The following PLCB1 variants were observed in gnomAD, a reference collection of about 807,000 sequenced individuals.
The protein encoded by PLCB1 is phospholipase C beta 1, also known as 1-phosphatidylinositol 4,5-bisphosphate phosphodiesterase beta-1.
PLCB1 carries 46 observed loss-of-function variants against 161.8 expected under a neutral mutation model. That is an observed-to-expected ratio of 0.28 (90% confidence interval 0.22 to 0.36). The LOEUF (loss-of-function observed/expected upper bound fraction) is 0.36. Among genes scored for constraint, PLCB1 ranks in the 10% least tolerant of loss-of-function variants. The pLI is 1.00. For missense variants in PLCB1, 1,016 were observed against 1,472.5 expected, an observed-to-expected ratio of 0.69 and a Z score of 5.07; for synonymous variants, 517 against 503.7, an observed-to-expected ratio of 1.03 and a Z score of -0.35.
intron 3 of PLCB1, among the ~76,000 whole-genome samples, chr20:8,413,633 A>C (rs944705280): frequency 6.6e-6 from 1 of 152,242 alleles, no homozygotes; most frequent in Admixed American, 6.5e-5. Context: ...CTAGGTATGA[A>C]TATCAGAAGG....
At chr20:8,602,015 C>G (rs1251549685) in intron 3 of PLCB1, among the ~76,000 whole-genome samples, 1 of 152,182 alleles carries the variant, frequency 6.6e-6, no homozygotes, top group East Asian at 1.9e-4. Flanking sequence ...ATGGCTTCCA[C>G]ATTTTAGGAT....
rs1204992219 is a variant in PLCB1, at chr20:8,684,984, A to G, written c.915A>G (p.Gly305=). 6.2e-6 allele frequency: 10 copies of G among 1,613,436 alleles called. No homozygotes were observed. The South Asian group carries it at 9.9e-5, about 16-fold the overall frequency. Residue 305 remains glycine (G), a synonymous_variant, in exon 10 of 32, where the codon GGA becomes GGG. Transcript: ENST00000338037. ...GCTATCTGAGTGGAGAAGAAAACGG[A>G]GTCGTTTCACCTGAGAAACTGGATT... The part of the protein sequence containing the change: ...FMRYLSGEEN[G]VVSPEKLDLN...
chr20:8,652,034 G>A (rs1398259625), intron 7 of PLCB1: 2 of 152,386 alleles, frequency 1.3e-5, no homozygotes, highest in Admixed American at 1.3e-4. Context: ...CTAGCTAAGG[G>A]AAAGAAGGAA....
intron 3 of PLCB1, among the ~76,000 whole-genome samples, chr20:8,387,677 A>G (rs1987465451): frequency 6.6e-6 from 1 of 152,324 alleles, no homozygotes; most frequent in East Asian, 1.9e-4. Context: ...ACAAACAACA[A>G]AAAACCCCCA....
intron 2 of PLCB1, among the ~76,000 whole-genome samples, chr20:8,166,988 C>T (rs1269247257): frequency 1.3e-5 from 2 of 152,198 alleles, no homozygotes; most frequent in African/African-American, 2.4e-5. Context: ...TCAATGAGAG[C>T]AGAGTCCAGA....
At chr20:8,150,458 C>T (rs2051498797) in intron 2 of PLCB1, 87 bp downstream of exon 2, 2 of 547,114 alleles carry the variant, frequency 3.7e-6, no homozygotes, top group African/African-American at 1.9e-5. Context: ...AGAAGAACAT[C>T]CATTTCACAG....
At chr20:8,762,195 C>T (rs1352337784) in intron 25 of PLCB1, among the ~76,000 whole-genome samples, 6 of 152,046 alleles carry the variant, frequency 3.9e-5, no homozygotes, top group African/African-American at 1.4e-4. Context: ...GGGCAACAAG[C>T]GCGAAACTCT....
At chr20:8,757,256 T>A in intron 24 of PLCB1, 78 bp downstream of exon 24, 1 of 1,426,952 alleles carries the variant, frequency 7.0e-7, no homozygotes, top group Admixed American at 2.2e-5. Flanking sequence ...GGCGCTGTGA[T>A]GTGGGTAGCT....
At chr20:8,357,662 AAAG>A (rs775874454) in intron 2 of PLCB1, among the ~76,000 whole-genome samples, 147 of 152,278 alleles carry the variant, frequency 9.7e-4, no homozygotes, top group Non-Finnish European at 1.8e-3. Context: ...ACAAAATAAA[AAAG>A]GAAAAAAAGA....
chr20:8,604,165 A>G (rs1987685971), intron 3 of PLCB1, among the ~76,000 whole-genome samples: 1 of 148,682 alleles, frequency 6.7e-6, no homozygotes, highest in Non-Finnish European at 1.5e-5. Context: ...AGGCATGAGA[A>G]TCCCCTGAAC....
At chr20:8,277,705 G>A (rs1233816778) in intron 2 of PLCB1, among the ~76,000 whole-genome samples, 3 of 152,144 alleles carry the variant, frequency 2.0e-5, no homozygotes, top group Non-Finnish European at 4.4e-5. Context: ...AATAGGGAAA[G>A]CCATAACACT....
At chr20:8,877,771 G>A (rs1987832090) in intron 31 of PLCB1, among the ~76,000 whole-genome samples, 2 of 152,222 alleles carry the variant, frequency 1.3e-5, no homozygotes, top group African/African-American at 4.8e-5. Flanking sequence ...AACTTGGAAT[G>A]TAATAAATAC....
chr20:8,765,125 T>A lies in PLCB1; in HGVS notation c.2711-14T>A. ...CCCTCCCATTCCCTTAGCTTTCATA[T>A]TCATTTGTTGCAGAAGTGGAAGCAC... On this transcript the variant is annotated splice_polypyrimidine_tract_variant and intron_variant, in intron 25 of 31. Transcript: ENST00000338037. The A allele has an allele frequency of 6.2e-7, 1 of 1,604,788 alleles. No homozygotes were observed. Among genetic ancestry groups the A allele is most frequent in the Non-Finnish European group, 8.5e-7 (1 of 1,175,090 alleles).
chr20:8,505,348 C>T (rs1365660218), intron 3 of PLCB1, among the ~76,000 whole-genome samples: 2 of 152,156 alleles, frequency 1.3e-5, no homozygotes, highest in Admixed American at 1.3e-4. Flanking sequence ...TCTATCTCAA[C>T]CCACTGTGAC....
At position 8,506,197 on chromosome 20, in the gene PLCB1, G is replaced by A. The variant is rs574491844; in HGVS notation, c.247-122097G>A. Among the ~76,000 whole-genome samples the A allele has an allele frequency of 3.3e-5, 5 of 152,170 alleles. No individual in the cohort carries two copies. The East Asian group carries it at 7.7e-4, about 23-fold the overall frequency. On this transcript the variant is annotated intron_variant, in intron 3 of 31. Transcript: ENST00000338037. ...AAGAATTTTGGAAGGTATTATTTGCGTTTAAAACAAACTATTTGCCTATTG... is the reference window on the plus strand; with the variant it reads ...AAGAATTTTGGAAGGTATTATTTGCATTTAAAACAAACTATTTGCCTATTG...
chr20:8,588,434 A>G (rs2123100158), intron 3 of PLCB1, among the ~76,000 whole-genome samples: 1 of 152,208 alleles, frequency 6.6e-6, no homozygotes, highest in Non-Finnish European at 1.5e-5. Context: ...TGCTCACCCC[A>G]TATTCATATG....
intron 3 of PLCB1, among the ~76,000 whole-genome samples, chr20:8,413,072 G>A (rs1979114204): frequency 6.6e-6 from 1 of 151,920 alleles, no homozygotes; most frequent in South Asian, 2.1e-4. Flanking sequence ...TGACCAAATT[G>A]TGTAGATAAT....
intron 2 of PLCB1, among the ~76,000 whole-genome samples, chr20:8,327,222 A>G (rs766280562): frequency 7.9e-5 from 12 of 152,178 alleles, no homozygotes; most frequent in Admixed American, 1.3e-4. Context: ...ACCAGAGGGC[A>G]GTTTAATGTG....
At chr20:8,182,972 C>T (rs6039072) in intron 2 of PLCB1, among the ~76,000 whole-genome samples, 47,670 of 127,314 alleles carry the variant, frequency 0.37, 9,682 homozygotes, top group African/African-American at 0.63. Flanking sequence ...TATGACTCTT[C>T]TGGTTAAAAA....
Sources: allele counts gnomAD v4.1 joint callset (sites outside exome capture counted in the v4.1 genomes callset), GRCh38; gene constraint gnomAD v4.1.1; transcripts MANE v1.5; gene names NCBI Gene and HGNC (gene_info 2026-07-23, HGNC 2026-07-21).